SEMA3F: variants seen among roughly 807,000 people sequenced by gnomAD.
The protein encoded by SEMA3F is semaphorin-3F.
A neutral mutation model predicts 98.5 loss-of-function variants in SEMA3F; 30 were observed. The observed-to-expected ratio is 0.30, with a 90% CI of 0.23 to 0.41. The LOEUF (loss-of-function observed/expected upper bound fraction) is 0.41, where lower values mean the gene tolerates loss of function less well. Ranked by LOEUF, SEMA3F falls within the 10% of genes least tolerant of loss-of-function variation. SEMA3F has a pLI of 1.00. For missense variants in SEMA3F, 866 were observed against 1,119.3 expected (o/e 0.77, Z 3.23); for synonymous variants, 380 against 444.8 (o/e 0.85, Z 1.83).
In SEMA3F at chr3:50,156,605, A is replaced by G. The variant is rs1697994884; in HGVS notation, c.-49+1041A>G. On this transcript the variant is annotated intron_variant, in intron 1 of 18. Transcript: ENST00000002829. The surrounding 1 kb of genome is among the most constrained non-coding windows in gnomAD (Gnocchi z 4.5). The stretch of plus-strand genomic sequence containing the variant: ...GGGGTTGGGAGCCCCATCTCAGCCC[A>G]GGGAGTTGGATGGAGCTGAGGCCTC... 2.6e-5 allele frequency among the ~76,000 whole-genome samples: 4 copies of G among 152,158 alleles called. No homozygotes were observed. In the South Asian group the frequency reaches 8.3e-4, roughly 32 times the overall value.
chr3:50,178,696 T>G, intron 7 of SEMA3F, among the ~76,000 whole-genome samples: 1 of 148,046 alleles, frequency 6.8e-6, no homozygotes, highest in African/African-American at 2.5e-5. Context: ...CACTCCAGCC[T>G]GGGCAACTGA....
intron 7 of SEMA3F, among the ~76,000 whole-genome samples, chr3:50,178,119 G>A (rs1698884302): frequency 6.6e-6 from 1 of 152,082 alleles, no homozygotes. Context: ...GCAGGTGCCT[G>A]TAATCCCAGC....
intron 7 of SEMA3F, among the ~76,000 whole-genome samples, chr3:50,181,391 G>A (rs983490141): frequency 6.6e-6 from 1 of 151,096 alleles, no homozygotes; most frequent in Non-Finnish European, 1.5e-5. Context: ...GTGCGATCTC[G>A]GCTCACTACA....
intron 17 of SEMA3F, 95 bp from the exon 18 acceptor site, chr3:50,186,518 A>G: frequency 6.7e-7 from 1 of 1,492,942 alleles, no homozygotes; most frequent in Non-Finnish European, 9.2e-7. Flanking sequence ...AGAGCACTAC[A>G]TTGGTGAGTG....
At chr3:50,185,808 G>C (rs1699190985) in intron 15 of SEMA3F, 81 bp from the exon 16 acceptor site, 2 of 1,606,880 alleles carry the variant, frequency 1.2e-6, no homozygotes, top group Admixed American at 3.3e-5. Flanking sequence ...CATGGAACAG[G>C]GGAGAGGAGC....
chr3:50,161,155 GGGAGGGGTGGCTT>G (rs1010848545), intron 2 of SEMA3F, among the ~76,000 whole-genome samples: 3 of 152,184 alleles, frequency 2.0e-5, no homozygotes, highest in Non-Finnish European at 2.9e-5. Context: ...GATAGTGGAA[GGGAGGGGTGGCTT>G]GGTCTCCACA....
intron 14 of SEMA3F, 66 bp downstream of exon 14, chr3:50,185,597 C>T (rs1406319021): frequency 8.7e-6 from 14 of 1,612,572 alleles, no homozygotes; most frequent in Middle Eastern, 1.6e-4. Context: ...CAGCCTCTGA[C>T]CTGAGACCTC....
intron 18 of SEMA3F, among the ~76,000 whole-genome samples, chr3:50,187,254 C>T (rs1341770040): frequency 1.3e-5 from 2 of 152,178 alleles, no homozygotes; most frequent in Non-Finnish European, 2.9e-5. Context: ...TGGTGAAACC[C>T]TCTCTCTACC....
chr3:50,171,503 C>G (rs937377857), intron 2 of SEMA3F, among the ~76,000 whole-genome samples: 1 of 152,068 alleles, frequency 6.6e-6, no homozygotes, highest in Non-Finnish European at 1.5e-5. Context: ...TCTAGCCCCT[C>G]CCCCTGCCAT....
intron 7 of SEMA3F, among the ~76,000 whole-genome samples, chr3:50,178,835 T>C (rs1034419722): frequency 5.4e-4 from 74 of 136,618 alleles, no homozygotes; most frequent in African/African-American, 1.9e-3. Flanking sequence ...TTTTCTTTTT[T>C]TTTTTTTTTT....
intron 7 of SEMA3F, among the ~76,000 whole-genome samples, chr3:50,178,279 A>G (rs190926809): frequency 1.3e-5 from 2 of 152,122 alleles, no homozygotes; most frequent in African/African-American, 2.4e-5. Flanking sequence ...AAATTGATCT[A>G]TGGGCTGCAG....
chr3:50,175,144 G>A lies in SEMA3F; in HGVS notation c.505G>A (p.Ala169Thr), dbSNP rs552156341. Reference sequence around the variant, plus strand: ...GGCGGTCAGAGGCCGCGGCAGCAGAGCCACGGATGGTGCCCTCCGCCCGAT... The same window carrying A: ...GGCGGTCAGAGGCCGCGGCAGCAGAACCACGGATGGTGCCCTCCGCCCGAT... ...TQAVRGRGSR[A>T]TDGALRPMPT... The change falls in exon 6 of 19, where the codon GCC becomes ACC. Residue 169 changes from alanine (A) to threonine (T), a missense_variant. Ala to Thr is a moderately conservative substitution (Grantham distance 58, BLOSUM62 0). Transcript: ENST00000002829. The A allele has an allele frequency of 6.2e-7, 1 of 1,610,002 alleles. No individual in the cohort carries two copies. Among genetic ancestry groups the A allele is most frequent in the African/African-American group, 1.3e-5 (1 of 74,982 alleles).
At chr3:50,175,021 A>G in intron 5 of SEMA3F, 75 bp from the exon 6 acceptor site, 1 of 1,007,642 alleles carries the variant, frequency 9.9e-7, no homozygotes, top group Non-Finnish European at 1.5e-6. Flanking sequence ...GTGTGGTGTT[A>G]GAGGCTGGCA....
upstream of SEMA3F, chr3:50,155,186 C>G: frequency 2.9e-6 from 1 of 343,344 alleles, no homozygotes; most frequent in Non-Finnish European, 5.2e-6. This position sits in a 1 kb window ranked among gnomAD's most constrained non-coding sequence, Gnocchi z 4.9. Flanking sequence ...CGCGGCCGCC[C>G]GGCCCGGGTC....
chr3:50,176,498 A>T (rs1698813648), intron 6 of SEMA3F, among the ~76,000 whole-genome samples: 1 of 152,194 alleles, frequency 6.6e-6, no homozygotes, highest in Admixed American at 6.5e-5. Flanking sequence ...TGTCCATCTC[A>T]TAGCCCACAA....
In SEMA3F at chr3:50,187,720, C is replaced by A. The variant is rs143620746; in HGVS notation, c.1963C>A (p.Arg655Ser). Reference protein sequence around the residue: ...DRRREIRAEDRFLRTEQGLLL... With the variant: ...DRRREIRAEDSFLRTEQGLLL... ...GCCCCTGCAGATTCGTGCAGAGGAC[C>A]GCTTCCTGCGCACAGAGCAGGGCTT... The change falls in exon 19 of 19, where the codon CGC becomes AGC. Residue 655 changes from arginine (R) to serine (S), a missense_variant. Transcript: ENST00000002829. 3.1e-4 allele frequency: 490 copies of A among 1,594,796 alleles called. 1 individual carries two copies. Among genetic ancestry groups the A allele is most frequent in the Admixed American group, 1.0e-3 (62 of 59,368 alleles).
At chr3:50,159,001 T>C (rs1698100886) in intron 1 of SEMA3F, 1 of 152,476 alleles carries the variant, frequency 6.6e-6, no homozygotes, top group African/African-American at 2.4e-5. Context: ...GACTCTGCCA[T>C]TCTCTGCCTT....
intron 2 of SEMA3F, among the ~76,000 whole-genome samples, chr3:50,161,576 C>T (rs1261921882): frequency 6.6e-6 from 1 of 152,246 alleles, no homozygotes; most frequent in Non-Finnish European, 1.5e-5. Context: ...CCACCCATCC[C>T]AGGGCTCCTG....
chr3:50,185,447 C>T lies in SEMA3F; in HGVS notation c.1461C>T (p.Arg487=), dbSNP rs769871462. ...GCCCTGCCCGGCCCGTTCCAGACCG[C>T]GGGACAGTGCAGAAGGTCATTGTGC... ...RYEVLFLGTD[R]GTVQKVIVLP... The change falls in exon 14 of 19, where the codon CGC becomes CGT. Residue 487 remains arginine, a synonymous_variant. Coordinates refer to ENST00000002829, the MANE Select transcript of SEMA3F (RefSeq NM_004186.5). The T allele has an allele frequency of 4.6e-5, 74 of 1,613,144 alleles. No individual in the cohort carries two copies. Among genetic ancestry groups the T allele is most frequent in the Non-Finnish European group, 5.8e-5 (68 of 1,179,698 alleles).
Sources: allele counts gnomAD v4.1 joint callset (sites outside exome capture counted in the v4.1 genomes callset), GRCh38; gene constraint gnomAD v4.1.1; non-coding constraint Gnocchi (gnomAD v3.1); transcripts MANE v1.5; gene names NCBI Gene and HGNC (gene_info 2026-07-23, HGNC 2026-07-21).